The following MTPN variants were observed in gnomAD, a reference collection of about 807,000 sequenced individuals.
MTPN encodes the protein granule cell differentiation protein.
A neutral mutation model predicts 13.5 loss-of-function variants in MTPN; 2 were observed. The ratio of observed to expected loss-of-function variants is 0.15; its 90% CI spans 0.06 to 0.47. MTPN has a LOEUF of 0.47. MTPN is among the 20% of genes least tolerant of loss of function. MTPN has a pLI of 0.97. For synonymous variants in MTPN, 46 were observed against 51.7 expected (o/e 0.89, Z 0.48); for missense variants, 79 against 137.9 (o/e 0.57, Z 2.14).
intron 1 of MTPN, among the ~76,000 whole-genome samples, chr7:135,956,345 C>G (rs1799443528): frequency 6.6e-6 from 1 of 152,160 alleles, no homozygotes; most frequent in South Asian, 2.1e-4. Context: ...TTACCAGTTA[C>G]AGAAAAAAAT....
chr7:135,934,327 G>A (rs1799079687), intron 3 of MTPN, among the ~76,000 whole-genome samples: 1 of 152,162 alleles, frequency 6.6e-6, no homozygotes, highest in Non-Finnish European at 1.5e-5. Flanking sequence ...CTTCCATTCT[G>A]TTGATCTCCC....
intron 3 of MTPN, among the ~76,000 whole-genome samples, chr7:135,931,425 C>G (rs1448250243): frequency 1.3e-5 from 2 of 152,020 alleles, no homozygotes; most frequent in African/African-American, 4.8e-5. Context: ...ATTAGGTAAA[C>G]CAGGGAGGAG....
At chr7:135,962,926 T>G (rs979280332) in intron 1 of MTPN, among the ~76,000 whole-genome samples, 8 of 152,066 alleles carry the variant, frequency 5.3e-5, no homozygotes, top group Admixed American at 3.3e-4. Flanking sequence ...GTTTGATCTG[T>G]AAGATATGTA....
intron 3 of MTPN, among the ~76,000 whole-genome samples, chr7:135,933,981 A>T (rs1176083538): frequency 6.6e-6 from 1 of 152,128 alleles, no homozygotes; most frequent in Non-Finnish European, 1.5e-5. Flanking sequence ...CCATGAGAAG[A>T]TATGACTGCT....
chr7:135,929,682 T>C lies in MTPN; in HGVS notation c.*244A>G, dbSNP rs143388884. The C allele has an allele frequency of 6.1e-4, 316 of 517,726 alleles. 1 individual carries two copies. Among genetic ancestry groups the C allele is most frequent in the African/African-American group, 5.3e-3 (274 of 51,972 alleles). The allele number at this position is 517,726 out of a possible 1,614,324, so 32.1% of individuals were successfully genotyped here. On this transcript the variant is annotated 3_prime_UTR_variant, in exon 4 of 4. Coordinates refer to ENST00000393085, the MANE Select transcript of MTPN (RefSeq NM_145808.4). ...CTTGGGTATAAGGTGTATATTTTAT[T>C]AGAAAGGGAAGAGGCTTACTTGATC...
chr7:135,932,306 A>T (rs1177857991), intron 3 of MTPN: 2 of 152,100 alleles, frequency 1.3e-5, no homozygotes, highest in Non-Finnish European at 2.9e-5. Context: ...AGTTCCTGCT[A>T]CCCAGAGCCC....
chr7:135,930,394 A>G lies in MTPN; in HGVS notation c.271-382T>C, dbSNP rs916818131. Among the ~76,000 whole-genome samples the G allele has an allele frequency of 1.2e-4, 18 of 152,212 alleles. 1 individual carries two copies. The highest frequency in any genetic ancestry group is 4.3e-4 in the African/African-American group (18 of 41,452). ...CACTTTGCTAAAGTATTCCTGTGAC[A>G]AATTATTTTTTTCTTATTTGAAACA... On this transcript the variant is annotated intron_variant, in intron 3 of 3. Coordinates refer to ENST00000393085, the MANE Select transcript of MTPN (RefSeq NM_145808.4).
intron 1 of MTPN, among the ~76,000 whole-genome samples, chr7:135,955,914 C>T (rs1428302527): frequency 6.6e-6 from 1 of 151,396 alleles, no homozygotes; most frequent in African/African-American, 2.4e-5. Flanking sequence ...ACTTCCTTGG[C>T]CTACAAAAAA....
intron 1 of MTPN, among the ~76,000 whole-genome samples, chr7:135,964,267 A>G (rs978499771): frequency 2.0e-5 from 3 of 152,104 alleles, no homozygotes; most frequent in African/African-American, 7.2e-5. Context: ...TAATGTATTC[A>G]GAACTCATAC....
intron 3 of MTPN, among the ~76,000 whole-genome samples, chr7:135,939,677 C>G (rs1319733965): frequency 6.7e-6 from 1 of 148,850 alleles, no homozygotes; most frequent in African/African-American, 2.5e-5. Flanking sequence ...CATCTTCAGA[C>G]TTTCTCGTTT....
At chr7:135,966,565 C>G (rs115159288) in intron 1 of MTPN, among the ~76,000 whole-genome samples, 1,938 of 152,106 alleles carry the variant, frequency 0.013, 34 homozygotes, top group African/African-American at 0.044. Flanking sequence ...AAAATTAAGT[C>G]CGGGACTGTC....
At chr7:135,966,598 A>T (rs954006794) in intron 1 of MTPN, among the ~76,000 whole-genome samples, 28 of 152,174 alleles carry the variant, frequency 1.8e-4, no homozygotes, top group Admixed American at 9.2e-4. Flanking sequence ...ATCTGTCACA[A>T]GAACCACCTG....
intron 1 of MTPN, among the ~76,000 whole-genome samples, chr7:135,967,701 C>T (rs1799627183): frequency 6.6e-6 from 1 of 152,168 alleles, no homozygotes; most frequent in African/African-American, 2.4e-5. Context: ...ATGCCAGGCA[C>T]AATGGTACAC....
At chr7:135,950,791 T>C in intron 2 of MTPN, 109 bp from the exon 3 acceptor site, 1 of 747,306 alleles carries the variant, frequency 1.3e-6, no homozygotes, top group South Asian at 1.8e-5. Flanking sequence ...TTCTAGAAAA[T>C]CAATCAATCA....
intron 3 of MTPN, among the ~76,000 whole-genome samples, chr7:135,941,028 T>A (rs1183567862): frequency 6.6e-6 from 1 of 152,222 alleles, no homozygotes; most frequent in African/African-American, 2.4e-5. Flanking sequence ...GAAGCTTTAA[T>A]GGAGACCATA....
rs1375387961 is a variant in MTPN at position 135,977,212 on chromosome 7, G to C, written c.-112C>G. ...CAGGGCCGCGCGAAGCCGGAGAGGAGAAGAAGAGAAGGAGGGTTAGGCTGC... is the reference window on the plus strand; with the variant it reads ...CAGGGCCGCGCGAAGCCGGAGAGGACAAGAAGAGAAGGAGGGTTAGGCTGC... On this transcript the variant is annotated 5_prime_UTR_variant, in exon 1 of 4. Transcript: ENST00000393085. The C allele has an allele frequency of 9.3e-7, 1 of 1,074,538 alleles. No homozygotes were observed. Among genetic ancestry groups the C allele is most frequent in the African/African-American group, 1.6e-5 (1 of 64,508 alleles). The allele number at this position is 1,074,538 out of a possible 1,614,324, so 66.6% of individuals were successfully genotyped here. A position where few individuals can be genotyped will look rare whatever the true frequency, so the allele number is the denominator to read the frequency against.
intron 1 of MTPN, among the ~76,000 whole-genome samples, chr7:135,973,545 A>T (rs1799728006): frequency 6.6e-6 from 1 of 152,106 alleles, no homozygotes; most frequent in Non-Finnish European, 1.5e-5. Flanking sequence ...TCTGAAATTC[A>T]GGTGAGGCTA....
At chr7:135,963,921 A>G (rs867778484) in intron 1 of MTPN, among the ~76,000 whole-genome samples, 6 of 152,088 alleles carry the variant, frequency 3.9e-5, no homozygotes, top group African/African-American at 1.4e-4. Flanking sequence ...AATTACACTT[A>G]GAAATTTTCT....
At position 135,929,761 on chromosome 7, in the gene MTPN, A is replaced by T. The variant is rs1798985484; in HGVS notation, c.*165T>A. ...TTCCTTTTGCCCCTCCTCCAAAACA[A>T]TTTTTTTTTTCTGGTAGTCGGATTT... On this transcript the variant is annotated 3_prime_UTR_variant, in exon 4 of 4. Transcript: ENST00000393085. 1.3e-5 allele frequency: 8 copies of T among 624,510 alleles called. No homozygotes were observed. The highest frequency in any genetic ancestry group is 3.0e-5 in the Admixed American group (1 of 33,134). 38.7% of individuals were successfully genotyped at this position (624,510 alleles called of 1,614,324 possible). A position where few individuals can be genotyped will look rare whatever the true frequency, so the allele number is the denominator to read the frequency against.
Sources: gnomAD v4.1 joint callset for allele counts (sites outside exome capture counted in the v4.1 genomes callset) on GRCh38, gnomAD v4.1.1 for gene constraint, MANE v1.5 for transcripts, NCBI Gene and HGNC (gene_info 2026-07-23, HGNC 2026-07-21) for gene names.